The following DYNC2I2 variants were observed in gnomAD, a reference collection of about 807,000 sequenced individuals.
The protein encoded by DYNC2I2 is dynein 2 intermediate chain 2.
A neutral mutation model predicts 52.0 loss-of-function variants in DYNC2I2; 39 were observed. The ratio of observed to expected loss-of-function variants is 0.75; its 90% CI spans 0.58 to 0.98. The LOEUF (loss-of-function observed/expected upper bound fraction) is 0.98, where lower values mean the gene tolerates loss of function less well. Ranked by LOEUF, DYNC2I2 falls within the 50% of genes least tolerant of loss-of-function variation. The probability of loss-of-function intolerance (pLI) is 0.00; values close to 1 mark genes in which losing one functional copy is unlikely to be tolerated. For missense variants in DYNC2I2, 743 were observed against 728.4 expected, an observed-to-expected ratio of 1.02 and a Z score of -0.23; for synonymous variants, 359 against 321.1, an observed-to-expected ratio of 1.12 and a Z score of -1.26.
At chr9:128,655,335 T>TTAAAAAAAAAAAA (rs1860796654) in intron 1 of DYNC2I2, among the ~76,000 whole-genome samples, 1 of 18,684 alleles carries the variant, frequency 5.4e-5, no homozygotes, top group Non-Finnish European at 1.1e-4. Context: ...CCGTCTCTAC[T>TTAAAAAAAAAAAA]AAAAAAAAAA....
At chr9:128,653,020 G>A (rs1364049207) in intron 1 of DYNC2I2, among the ~76,000 whole-genome samples, 3 of 150,390 alleles carry the variant, frequency 2.0e-5, no homozygotes, top group African/African-American at 5.0e-5. Flanking sequence ...CCTAAGGTCA[G>A]GAGTTCAAGA....
rs1016041298 is a variant in DYNC2I2, at chr9:128,649,597, G to A, written c.186+6944C>T. On this transcript the variant is annotated intron_variant, in intron 1 of 8. Transcript: ENST00000372715. Reference sequence around the variant, plus strand: ...CCAGCTACTGGGGAGGCTAAGGTGGGAGAACTGCTGGAACTCAGGGGGCAG... The same window carrying A: ...CCAGCTACTGGGGAGGCTAAGGTGGAAGAACTGCTGGAACTCAGGGGGCAG... Among the ~76,000 whole-genome samples the A allele has an allele frequency of 2.7e-5, 4 of 148,364 alleles. No individual in the cohort carries two copies. In the East Asian group the frequency reaches 7.9e-4, roughly 29 times the overall value.
chr9:128,668,419 A>G, the DYNC2I2 span, among the ~76,000 whole-genome samples: 1 of 151,654 alleles, frequency 6.6e-6, no homozygotes, highest in Non-Finnish European at 1.5e-5. Context: ...CCATCTCCTG[A>G]CCTTGTGATC....
At chr9:128,635,037 C>T in intron 6 of DYNC2I2, 55 bp downstream of exon 6, 1 of 1,585,562 alleles carries the variant, frequency 6.3e-7, no homozygotes, top group Non-Finnish European at 8.6e-7. Context: ...GCCACACCTT[C>T]CCACCCCCAA....
chr9:128,676,883 C>G, the DYNC2I2 span, among the ~76,000 whole-genome samples: 1 of 148,358 alleles, frequency 6.7e-6, no homozygotes, highest in Non-Finnish European at 1.5e-5. Flanking sequence ...GAGTCTCGCT[C>G]TATTGCCCAG....
At chr9:128,635,528 TGCGGGA>T in intron 5 of DYNC2I2, 124 bp downstream of exon 5, 1 of 900,688 alleles carries the variant, frequency 1.1e-6, no homozygotes, top group Non-Finnish European at 1.7e-6. Flanking sequence ...TGACTCATGC[TGCGGGA>T]GCTCCGAGAA....
the DYNC2I2 span, among the ~76,000 whole-genome samples, chr9:128,667,451 G>C: frequency 5.2e-4 from 79 of 151,704 alleles, no homozygotes; most frequent in African/African-American, 1.8e-3. Flanking sequence ...TCAGCCTCCC[G>C]AGTAGCTGGG....
chr9:128,635,026 T>C, intron 6 of DYNC2I2, 66 bp downstream of exon 6: 1 of 1,583,876 alleles, frequency 6.3e-7, no homozygotes, highest in Non-Finnish European at 8.6e-7. Context: ...TCAGGCCCAC[T>C]GCCACACCTT....
the DYNC2I2 span, among the ~76,000 whole-genome samples, chr9:128,674,966 G>A: frequency 4.6e-5 from 7 of 152,150 alleles, no homozygotes; most frequent in South Asian, 2.1e-4. Flanking sequence ...AAACTCTACC[G>A]GGAGATTCCT....
chr9:128,668,228 G>A, the DYNC2I2 span, among the ~76,000 whole-genome samples: 1 of 143,894 alleles, frequency 6.9e-6, no homozygotes, highest in Non-Finnish European at 1.5e-5. Context: ...CAAAGTGCTG[G>A]GATTACAGGC....
At chr9:128,641,930 C>T (rs1860520724) in intron 1 of DYNC2I2, among the ~76,000 whole-genome samples, 1 of 152,076 alleles carries the variant, frequency 6.6e-6, no homozygotes, top group Non-Finnish European at 1.5e-5. Flanking sequence ...GTATCCCCAG[C>T]ACTTTGCATG....
the DYNC2I2 span, among the ~76,000 whole-genome samples, chr9:128,669,975 G>C: frequency 2.6e-5 from 4 of 152,078 alleles, no homozygotes; most frequent in African/African-American, 9.7e-5. Flanking sequence ...CACTGCACCT[G>C]GCCTAAAAAT....
the DYNC2I2 span, among the ~76,000 whole-genome samples, chr9:128,680,860 C>T: frequency 6.6e-6 from 1 of 150,718 alleles, no homozygotes; most frequent in African/African-American, 2.4e-5. Context: ...TTTTTTAGTA[C>T]AGACTGGGTT....
chr9:128,654,104 G>A (rs1192107597), intron 1 of DYNC2I2, among the ~76,000 whole-genome samples: 3 of 152,178 alleles, frequency 2.0e-5, no homozygotes, highest in Admixed American at 6.6e-5. Context: ...ATTGACCTGC[G>A]ATAAGGATGG....
chr9:128,670,878 A>G, the DYNC2I2 span, among the ~76,000 whole-genome samples: 3 of 151,324 alleles, frequency 2.0e-5, no homozygotes, highest in African/African-American at 7.3e-5. Context: ...AGCCAGCCTG[A>G]CCAACATGGT....
chr9:128,658,554 C>G (rs1860880394), upstream of DYNC2I2, among the ~76,000 whole-genome samples: 1 of 151,660 alleles, frequency 6.6e-6, no homozygotes, highest in African/African-American at 2.4e-5. Context: ...CTCCACCTCC[C>G]AGGCTCAAGT....
chr9:128,640,744 G>T lies in DYNC2I2; in HGVS notation c.382C>A (p.Gln128Lys). ...MVIRELNKNW[Q>K]SHAFDGFEVN... ...TCGAAGCCATCAAACGCGTGGCTCT[G>T]CCAATTCTTGTTCAGCTCTCGGATG... The change falls in exon 2 of 9, where the codon CAG becomes AAG. Residue 128 changes from glutamine (Q) to lysine (K), a missense_variant. Transcript: ENST00000372715. 1 of 1,614,198 alleles carries T rather than the reference G, an allele frequency of 6.2e-7. No individual in the cohort carries two copies. The highest frequency in any genetic ancestry group is 1.1e-5 in the South Asian group (1 of 91,088).
intron 7 of DYNC2I2, 122 bp from the exon 8 acceptor site, chr9:128,634,505 C>T (rs551743264): frequency 7.2e-7 from 1 of 1,386,902 alleles, no homozygotes; most frequent in Admixed American, 2.6e-5. Context: ...GTCCCTCAGC[C>T]TGGAGTTGGT....
At chr9:128,660,569 G>C (rs1001847274), upstream of DYNC2I2, among the ~76,000 whole-genome samples, 10 of 151,422 alleles carry the variant, frequency 6.6e-5, no homozygotes, top group Non-Finnish European at 1.5e-4. Flanking sequence ...CTAATTTTTT[G>C]TATGTTCAGT....
Sources: gnomAD v4.1 joint callset for allele counts (sites outside exome capture counted in the v4.1 genomes callset) on GRCh38, gnomAD v4.1.1 for gene constraint, MANE v1.5 for transcripts, NCBI Gene and HGNC (gene_info 2026-07-23, HGNC 2026-07-21) for gene names.